ANO10: variants seen among roughly 807,000 people sequenced by gnomAD.
ANO10 encodes the protein anoctamin-10.
Under a neutral mutation model 74.7 loss-of-function variants are expected in ANO10, and 77 were observed. The ratio of observed to expected loss-of-function variants is 1.03; its 90% CI spans 0.86 to 1.25. The LOEUF (loss-of-function observed/expected upper bound fraction) is 1.25, where lower values mean the gene tolerates loss of function less well. Among genes scored for constraint, ANO10 ranks in the 50% most tolerant of loss-of-function variants. The pLI is 0.00. For missense variants in ANO10, 721 were observed against 778.1 expected (o/e 0.93, Z 0.87); for synonymous variants, 279 against 284.9 (o/e 0.98, Z 0.21).
At chr3:43,422,779 T>C (rs1160343733) in intron 12 of ANO10, among the ~76,000 whole-genome samples, 1 of 152,242 alleles carries the variant, frequency 6.6e-6, no homozygotes, top group African/African-American at 2.4e-5. Flanking sequence ...AATTTTACAG[T>C]TTGCTTAGCA....
intron 11 of ANO10, among the ~76,000 whole-genome samples, chr3:43,535,302 G>A (rs2078664808): frequency 7.4e-6 from 1 of 135,814 alleles, no homozygotes. Context: ...GGGGGGAAGA[G>A]GTCTCGCTCT....
At chr3:43,509,908 T>C (rs1194835635) in intron 11 of ANO10, among the ~76,000 whole-genome samples, 1 of 152,104 alleles carries the variant, frequency 6.6e-6, no homozygotes, top group Non-Finnish European at 1.5e-5. Flanking sequence ...ATTGAATGAA[T>C]CTCCAGGGAA....
At chr3:43,653,721 T>C (rs1034136986) in intron 1 of ANO10, among the ~76,000 whole-genome samples, 11 of 152,182 alleles carry the variant, frequency 7.2e-5, no homozygotes, top group African/African-American at 2.7e-4. Context: ...CGTCTAGCTA[T>C]TAAAATTGTT....
chr3:43,413,558 C>T (rs1252635536), intron 12 of ANO10, among the ~76,000 whole-genome samples: 3 of 151,688 alleles, frequency 2.0e-5, no homozygotes, highest in Admixed American at 1.3e-4. Flanking sequence ...TCAGGCCTCC[C>T]CAGAAGCCAA....
intron 4 of ANO10, among the ~76,000 whole-genome samples, chr3:43,596,438 G>A (rs1005741425): frequency 1.4e-4 from 21 of 152,170 alleles, no homozygotes; most frequent in Admixed American, 1.1e-3. Context: ...GAACAGAACA[G>A]AGCCCTCAGA....
At chr3:43,628,641 C>T (rs1006585629) in intron 1 of ANO10, among the ~76,000 whole-genome samples, 2 of 152,134 alleles carry the variant, frequency 1.3e-5, no homozygotes, top group African/African-American at 4.8e-5. Context: ...AGAAATATCC[C>T]TGAATTCTTT....
chr3:43,565,733 A>C lies in ANO10; in HGVS notation c.1219-6T>G, dbSNP rs1471778100. On this transcript the variant is annotated splice_polypyrimidine_tract_variant and splice_region_variant and intron_variant, in intron 7 of 12. Coordinates refer to ENST00000292246, the MANE Select transcript of ANO10 (RefSeq NM_018075.5). ...AAGCAATTGAGGAAGTTGAACTGCCAAAAAAAAAAAAAAAAAAGATAAGTG... is the reference window on the plus strand; with the variant it reads ...AAGCAATTGAGGAAGTTGAACTGCCCAAAAAAAAAAAAAAAAAGATAAGTG... 1 of 308,884 alleles carries C rather than the reference A, an allele frequency of 3.2e-6. No individual in the cohort carries two copies. The highest frequency in any genetic ancestry group is 5.7e-6 in the Non-Finnish European group (1 of 175,380). 19.1% of individuals were successfully genotyped at this position (308,884 alleles called of 1,614,324 possible).
At chr3:43,370,986 C>A (rs531180588) in intron 12 of ANO10, among the ~76,000 whole-genome samples, 21 of 152,150 alleles carry the variant, frequency 1.4e-4, no homozygotes, top group Admixed American at 1.3e-3. Context: ...GTGGACACCA[C>A]GGACCTCAAA....
In ANO10 at chr3:43,580,380, G is replaced by A. The variant is rs1322030662; in HGVS notation, c.565C>T (p.Arg189Trp). The change falls in exon 5 of 13, where the codon CGG becomes TGG. Residue 189 changes from arginine (R) to tryptophan (W), a missense_variant. Coordinates refer to ENST00000292246, the MANE Select transcript of ANO10 (RefSeq NM_018075.5). ...ATGGGCTGATACTTCAAAGCAAACC[G>A]AGTGTACCAGGTGTCCTCAAGCTTC... ...LKKLEDTWYT[R>W]FALKYQPIDS... 2.5e-6 allele frequency: 4 copies of A among 1,613,992 alleles called. No homozygotes were observed. The highest frequency in any genetic ancestry group is 2.2e-5 in the East Asian group (1 of 44,854).
At chr3:43,412,735 G>A (rs2092684618) in intron 12 of ANO10, among the ~76,000 whole-genome samples, 1 of 152,196 alleles carries the variant, frequency 6.6e-6, no homozygotes, top group Non-Finnish European at 1.5e-5. Context: ...AGCAATATAA[G>A]AGCCTGTACT....
chr3:43,400,285 C>A (rs2092455998), intron 12 of ANO10, among the ~76,000 whole-genome samples: 1 of 151,422 alleles, frequency 6.6e-6, no homozygotes, highest in Admixed American at 6.6e-5. Context: ...GGATGTCTGA[C>A]CCCCCTTTCC....
chr3:43,464,694 T>C (rs1029381368), intron 11 of ANO10, among the ~76,000 whole-genome samples: 3 of 151,994 alleles, frequency 2.0e-5, no homozygotes, highest in Non-Finnish European at 4.4e-5. Flanking sequence ...AAATGCAAGA[T>C]TGGTTTTACA....
intron 1 of ANO10, among the ~76,000 whole-genome samples, chr3:43,649,819 T>G (rs2083768202): frequency 6.6e-6 from 1 of 152,194 alleles, no homozygotes. Context: ...GGGGTGTGGC[T>G]TGTCTGTTCA....
intron 8 of ANO10, among the ~76,000 whole-genome samples, chr3:43,562,456 A>AAAAAAAAAAAC (rs1491328539): frequency 2.1e-5 from 1 of 47,758 alleles, no homozygotes; most frequent in Non-Finnish European, 4.0e-5. Flanking sequence ...TGTCTCAAAC[A>AAAAAAAAAAAC]AAAAAAAAAA....
chr3:43,549,648 G>A (rs538482101), intron 11 of ANO10, 72 bp downstream of exon 11: 8 of 1,562,408 alleles, frequency 5.1e-6, no homozygotes, highest in South Asian at 3.3e-5. Context: ...TGGACAGCCC[G>A]AGACAGCACT....
chr3:43,598,872 C>T (rs1449077447), intron 3 of ANO10, among the ~76,000 whole-genome samples: 1 of 152,148 alleles, frequency 6.6e-6, no homozygotes, highest in Non-Finnish European at 1.5e-5. Context: ...TCACGTAATA[C>T]AATTCTACAA....
At chr3:43,422,092 A>T (rs906203461) in intron 12 of ANO10, among the ~76,000 whole-genome samples, 1 of 152,160 alleles carries the variant, frequency 6.6e-6, no homozygotes, top group African/African-American at 2.4e-5. Flanking sequence ...TAACTTTAAA[A>T]AAGAATACAT....
At chr3:43,404,402 T>G (rs566815308) in intron 12 of ANO10, among the ~76,000 whole-genome samples, 1 of 152,268 alleles carries the variant, frequency 6.6e-6, no homozygotes, top group African/African-American at 2.4e-5. Context: ...GGCAGAACTT[T>G]CTGCAGTTCA....
At chr3:43,480,844 A>T (rs2076238934) in intron 11 of ANO10, among the ~76,000 whole-genome samples, 2 of 152,212 alleles carry the variant, frequency 1.3e-5, no homozygotes, top group South Asian at 4.1e-4. Context: ...ATAGGTACAC[A>T]GAAACCAAAC....
Sources: gnomAD v4.1 joint callset for allele counts (sites outside exome capture counted in the v4.1 genomes callset) on GRCh38, gnomAD v4.1.1 for gene constraint, MANE v1.5 for transcripts, NCBI Gene and HGNC (gene_info 2026-07-23, HGNC 2026-07-21) for gene names.